Variants in C11orf65 observed in about 807,000 individuals in gnomAD.
The protein encoded by C11orf65 is chromosome 11 open reading frame 65.
A neutral mutation model predicts 35.3 loss-of-function variants in C11orf65; 38 were observed. That is an observed-to-expected ratio of 1.08 (90% CI 0.83 to 1.41). C11orf65 has a LOEUF of 1.41. Among genes scored for constraint, C11orf65 ranks in the 40% most tolerant of loss-of-function variants. The pLI is 0.00. For missense variants in C11orf65, 370 were observed against 367.1 expected (o/e 1.01, Z -0.06); for synonymous variants, 105 against 114.4 (o/e 0.92, Z 0.53).
chr11:108,449,304 CA>C (rs1366452986), intron 2 of C11orf65, among the ~76,000 whole-genome samples: 2 of 151,556 alleles, frequency 1.3e-5, no homozygotes, highest in Non-Finnish European at 2.9e-5. Context: ...CATATGGAAC[CA>C]AAAAAAGAGC....
chr11:108,405,081 A>G (rs2092515197), intron 6 of C11orf65, among the ~76,000 whole-genome samples: 1 of 152,204 alleles, frequency 6.6e-6, no homozygotes. Context: ...CAAGCCTTTG[A>G]TGTGTGCTTT....
At chr11:108,406,604 A>T (rs552284984) in intron 5 of C11orf65, among the ~76,000 whole-genome samples, 159 bp downstream of exon 5, 1 of 152,352 alleles carries the variant, frequency 6.6e-6, no homozygotes, top group African/African-American at 2.4e-5. Context: ...TGTGCCTTGA[A>T]GTATTATTAG....
intron 6 of C11orf65, among the ~76,000 whole-genome samples, chr11:108,312,981 T>C (rs2136073232): frequency 6.6e-6 from 1 of 152,306 alleles, no homozygotes; most frequent in Admixed American, 6.5e-5. Context: ...AGCTTCTCCA[T>C]TCTGCTTAAA....
chr11:108,361,659 C>T (rs1295568112), intron 2 of C11orf65, among the ~76,000 whole-genome samples: 1 of 151,796 alleles, frequency 6.6e-6, no homozygotes, highest in African/African-American at 2.4e-5. Flanking sequence ...CTACAACTAT[C>T]TGATCTTTGA....
At position 108,325,398 on chromosome 11, in the gene C11orf65, G is replaced by T. The variant is rs1591128898; in HGVS notation, c.641-16327C>A. 1 of 1,613,556 alleles carries T rather than the reference G, an allele frequency of 6.2e-7. No individual in the cohort carries two copies. The highest frequency in any genetic ancestry group is 1.3e-5 in the African/African-American group (1 of 74,858). ...CAAGGACAGTGATTTTAGTTTTCAG[G>T]AGCCTATCATGGCTCTACGCACAGT... On this transcript the variant is annotated intron_variant, in intron 6 of 6. Coordinates refer to the C11orf65 transcript ENST00000525729.
At chr11:108,421,090 C>T (rs1340823490) in intron 3 of C11orf65, among the ~76,000 whole-genome samples, 1 of 152,138 alleles carries the variant, frequency 6.6e-6, no homozygotes, top group African/African-American at 2.4e-5. Context: ...TCACCCTAGC[C>T]CCCAACACCT....
chr11:108,403,014 G>A (rs529090225), intron 6 of C11orf65, among the ~76,000 whole-genome samples: 31 of 152,024 alleles, frequency 2.0e-4, no homozygotes, highest in African/African-American at 6.8e-4. Context: ...CTGGTTTTTC[G>A]CAATTAAAAT....
At chr11:108,434,237 G>A (rs1192005739) in intron 2 of C11orf65, among the ~76,000 whole-genome samples, 1 of 152,134 alleles carries the variant, frequency 6.6e-6, no homozygotes, top group Non-Finnish European at 1.5e-5. Context: ...GGGTGTGGTG[G>A]CTCATAGCTG....
intron 2 of C11orf65, among the ~76,000 whole-genome samples, chr11:108,342,659 T>C (rs2087730835): frequency 2.0e-5 from 3 of 152,310 alleles, no homozygotes; most frequent in Admixed American, 2.0e-4. Context: ...TCTGTTAATA[T>C]CATTTTCTAT....
chr11:108,393,884 T>C (rs141580322), intron 6 of C11orf65, among the ~76,000 whole-genome samples: 6 of 152,226 alleles, frequency 3.9e-5, no homozygotes, highest in African/African-American at 1.4e-4. Flanking sequence ...TTAATTCTTT[T>C]TAAAAAGACA....
chr11:108,374,650 G>A (rs189120769), intron 2 of C11orf65, among the ~76,000 whole-genome samples: 1,738 of 152,306 alleles, frequency 0.011, 36 homozygotes, highest in African/African-American at 0.039. Flanking sequence ...TGACTTTGAC[G>A]AGTTGAGAGA....
At chr11:108,416,679 A>G (rs997176963) in intron 3 of C11orf65, among the ~76,000 whole-genome samples, 2 of 149,808 alleles carry the variant, frequency 1.3e-5, no homozygotes, top group African/African-American at 5.1e-5. Flanking sequence ...GTGTCAAAAC[A>G]ACAACAACAA....
intron 2 of C11orf65, among the ~76,000 whole-genome samples, chr11:108,376,918 A>T (rs1381467190): frequency 6.6e-6 from 1 of 152,116 alleles, no homozygotes; most frequent in Non-Finnish European, 1.5e-5. Context: ...CACTCTCCCG[A>T]GACTAAACCA....
At chr11:108,380,202 C>T (rs575308164), downstream of C11orf65, among the ~76,000 whole-genome samples, 4 of 152,146 alleles carry the variant, frequency 2.6e-5, no homozygotes, top group Non-Finnish European at 4.4e-5. Context: ...TGCATTGATG[C>T]CTTACTACAG....
intron 2 of C11orf65, among the ~76,000 whole-genome samples, chr11:108,354,070 A>AACACACACACACACACACACACAC (rs71047689): frequency 8.7e-6 from 1 of 114,948 alleles, no homozygotes; most frequent in African/African-American, 3.0e-5. Context: ...CACACACACA[A>AACACACACACACACACACACACAC]ACACACACAC....
intron 3 of C11orf65, among the ~76,000 whole-genome samples, chr11:108,426,182 C>T (rs1217498130): frequency 5.9e-5 from 9 of 152,092 alleles, no homozygotes; most frequent in African/African-American, 2.2e-4. Context: ...AAAGAGTATT[C>T]AAATAGAAAG....
At chr11:108,330,588 T>A (rs2086152903), downstream of C11orf65, among the ~76,000 whole-genome samples, 1 of 152,252 alleles carries the variant, frequency 6.6e-6, no homozygotes, top group Non-Finnish European at 1.5e-5. Flanking sequence ...ATATTTAGGA[T>A]TATTTACAAG....
intron 2 of C11orf65, among the ~76,000 whole-genome samples, chr11:108,450,221 A>C (rs1179142673): frequency 6.6e-6 from 1 of 151,990 alleles, no homozygotes; most frequent in Non-Finnish European, 1.5e-5. Flanking sequence ...GGAAGTCAGC[A>C]CGGCAATTCC....
At chr11:108,467,625 A>G (rs2093556655), upstream of C11orf65, 2 of 151,948 alleles carry the variant, frequency 1.3e-5, 1 homozygote, top group African/African-American at 4.8e-5. Context: ...AGTGCAGGGG[A>G]TATAGACCAA....
Sources: gnomAD v4.1 joint callset for allele counts (sites outside exome capture counted in the v4.1 genomes callset) on GRCh38, gnomAD v4.1.1 for gene constraint, MANE v1.5 for transcripts, NCBI Gene and HGNC (gene_info 2026-07-23, HGNC 2026-07-21) for gene names.